The following GRM8 variants were observed in gnomAD, a reference collection of about 807,000 sequenced individuals.
GRM8 encodes the protein metabotropic glutamate receptor 8.
A neutral mutation model predicts 87.2 loss-of-function variants in GRM8; 47 were observed. That is an observed-to-expected ratio of 0.54 (90% CI 0.43 to 0.69). GRM8 has a LOEUF of 0.69. Ranked by LOEUF, GRM8 falls within the 30% of genes least tolerant of loss-of-function variation. GRM8 has a pLI of 0.00. For missense variants in GRM8, 1,019 were observed against 1,139.2 expected (o/e 0.89, Z 1.52); for synonymous variants, 396 against 404.5 (o/e 0.98, Z 0.25).
At chr7:126,732,139 A>G (rs1813674668) in intron 7 of GRM8, among the ~76,000 whole-genome samples, 1 of 152,102 alleles carries the variant, frequency 6.6e-6, no homozygotes, top group East Asian at 1.9e-4. Flanking sequence ...TGTAGCCAGA[A>G]CAAACATTAT....
At chr7:126,762,747 T>C (rs1310716149) in intron 7 of GRM8, among the ~76,000 whole-genome samples, 2 of 151,894 alleles carry the variant, frequency 1.3e-5, no homozygotes, top group African/African-American at 4.8e-5. Context: ...TTGTGATTTG[T>C]TTTTTTCAAT....
Position 126,439,116 on chromosome 7 carries a change from G to T in GRM8, c.*3C>A. 1 of 1,557,578 alleles carries T rather than the reference G, an allele frequency of 6.4e-7. No homozygotes were observed. The highest frequency in any genetic ancestry group is 8.9e-7 in the Non-Finnish European group (1 of 1,128,882). On this transcript the variant is annotated 3_prime_UTR_variant, in exon 11 of 11. Coordinates refer to ENST00000339582, the MANE Select transcript of GRM8 (RefSeq NM_000845.3). ...TCTCTTCAGATTGTGCCATTTCCCT[G>T]TTTCAGATTGAATGATTGCTGTAAC...
At chr7:127,154,199 C>G (rs1327100957) in intron 2 of GRM8, among the ~76,000 whole-genome samples, 1 of 152,152 alleles carries the variant, frequency 6.6e-6, no homozygotes, top group East Asian at 1.9e-4. Flanking sequence ...GCAAAAGGCA[C>G]TTTTCCTTGG....
At chr7:126,499,246 A>C (rs1381816532) in intron 9 of GRM8, among the ~76,000 whole-genome samples, 1 of 151,802 alleles carries the variant, frequency 6.6e-6, no homozygotes, top group African/African-American at 2.4e-5. Context: ...TTTAATTAAC[A>C]AACCACAATG....
At chr7:126,990,857 T>A (rs901606296) in intron 3 of GRM8, among the ~76,000 whole-genome samples, 1 of 152,204 alleles carries the variant, frequency 6.6e-6, no homozygotes, top group South Asian at 2.1e-4. Context: ...ACAATAGAAA[T>A]GTTTTAAAAA....
intron 7 of GRM8, among the ~76,000 whole-genome samples, chr7:126,686,840 C>A (rs1246061935): frequency 1.3e-5 from 2 of 152,206 alleles, no homozygotes; most frequent in Non-Finnish European, 2.9e-5. Context: ...AGGCTTCCAG[C>A]CAGAAAAGCG....
At chr7:126,826,376 C>T (rs1041785970) in intron 6 of GRM8, among the ~76,000 whole-genome samples, 1 of 152,206 alleles carries the variant, frequency 6.6e-6, no homozygotes, top group East Asian at 1.9e-4. Flanking sequence ...TCCTCTCCAG[C>T]ACCTGTTGTT....
At chr7:126,494,995 A>T (rs942818759) in intron 9 of GRM8, among the ~76,000 whole-genome samples, 3 of 152,064 alleles carry the variant, frequency 2.0e-5, no homozygotes, top group African/African-American at 7.2e-5. Context: ...AATACCAAAA[A>T]CATTAAATTA....
chr7:126,727,482 T>C (rs1813125804), intron 7 of GRM8, among the ~76,000 whole-genome samples: 1 of 152,080 alleles, frequency 6.6e-6, no homozygotes, highest in South Asian at 2.1e-4. Context: ...ATGGGATCAG[T>C]TTCCATATAG....
At chr7:126,499,791 T>TG (rs1491371842) in intron 9 of GRM8, among the ~76,000 whole-genome samples, 1 of 151,694 alleles carries the variant, frequency 6.6e-6, no homozygotes, top group African/African-American at 2.4e-5. Flanking sequence ...TACCAGAGGC[T>TG]GGGGGGAGGT....
chr7:126,453,108 CACACAT>C lies in GRM8; in HGVS notation c.2431-6742_2431-6737del, dbSNP rs763687500. 4.4e-3 allele frequency among the ~76,000 whole-genome samples: 553 copies of C among 126,152 alleles called. 2 individuals carry two copies. The highest frequency in any genetic ancestry group is 0.016 in the African/African-American group (506 of 32,220). 82.8% of individuals were successfully genotyped at this position (126,152 alleles called of 152,430 possible). On this transcript the variant is annotated intron_variant, in intron 9 of 10. Coordinates refer to ENST00000339582, the MANE Select transcript of GRM8 (RefSeq NM_000845.3). ...ACACACACACACACACACACACACA[CACACAT>C]ACAAGCAAAATGGTTTATTCATAAG...
At chr7:126,818,841 T>G (rs574488243) in intron 6 of GRM8, among the ~76,000 whole-genome samples, 1 of 152,288 alleles carries the variant, frequency 6.6e-6, no homozygotes, top group African/African-American at 2.4e-5. Flanking sequence ...TACTCAGCTG[T>G]CCCATGTCAG....
intron 6 of GRM8, among the ~76,000 whole-genome samples, chr7:126,817,053 C>G (rs1287057139): frequency 6.6e-6 from 1 of 152,074 alleles, no homozygotes; most frequent in African/African-American, 2.4e-5. Flanking sequence ...ATCAATTTCT[C>G]ATGCTATGAA....
intron 2 of GRM8, among the ~76,000 whole-genome samples, chr7:127,151,221 G>T (rs943273035): frequency 6.6e-6 from 1 of 151,880 alleles, no homozygotes; most frequent in Non-Finnish European, 1.5e-5. Flanking sequence ...GTCCTCACAG[G>T]TTATGCTATT....
chr7:126,737,863 C>T (rs564547268), intron 7 of GRM8, among the ~76,000 whole-genome samples: 119 of 152,182 alleles, frequency 7.8e-4, no homozygotes, highest in African/African-American at 2.7e-3. Flanking sequence ...ATGGTAAGTG[C>T]TACCTACTGA....
intron 6 of GRM8, among the ~76,000 whole-genome samples, chr7:126,810,869 T>C (rs1032064475): frequency 6.6e-6 from 1 of 152,120 alleles, no homozygotes; most frequent in Non-Finnish European, 1.5e-5. Flanking sequence ...CCCTCACTAA[T>C]TTAAGGTCTC....
chr7:127,075,872 C>T (rs1308945875), intron 3 of GRM8: 1 of 196,554 alleles, frequency 5.1e-6, no homozygotes, highest in Non-Finnish European at 1.1e-5. Context: ...ACCAGTTTCA[C>T]TGACAAGGGT....
At chr7:127,132,776 G>C (rs1827756543) in intron 2 of GRM8, among the ~76,000 whole-genome samples, 1 of 152,040 alleles carries the variant, frequency 6.6e-6, no homozygotes, top group Non-Finnish European at 1.5e-5. Context: ...GAAAGGGTCT[G>C]GGCACTCTAG....
intron 7 of GRM8, among the ~76,000 whole-genome samples, chr7:126,742,441 C>T (rs1815118339): frequency 6.6e-6 from 1 of 151,862 alleles, no homozygotes; most frequent in Non-Finnish European, 1.5e-5. Context: ...TAATTTGGGA[C>T]TTTAAAAAAG....
Sources: allele counts gnomAD v4.1 joint callset (sites outside exome capture counted in the v4.1 genomes callset), GRCh38; gene constraint gnomAD v4.1.1; transcripts MANE v1.5; gene names NCBI Gene and HGNC (gene_info 2026-07-23, HGNC 2026-07-21).